XPO1: variants seen among roughly 807,000 people sequenced by gnomAD.
XPO1 encodes the protein exportin-1.
A neutral mutation model predicts 133.3 loss-of-function variants in XPO1; 5 were observed. That is an observed-to-expected ratio of 0.04 (90% confidence interval 0.02 to 0.08). XPO1 has a LOEUF of 0.08. XPO1 is among the 10% of genes least tolerant of loss of function. XPO1 has a pLI of 1.00. For missense variants in XPO1, 506 were observed against 1,267.5 expected (o/e 0.40, Z 9.12); for synonymous variants, 419 against 408.2 (o/e 1.03, Z -0.32).
chr2:61,479,408 C>T (rs540735456), intron 24 of XPO1, among the ~76,000 whole-genome samples: 11 of 151,856 alleles, frequency 7.2e-5, no homozygotes, highest in African/African-American at 1.2e-4. Context: ...GCCAAGATCA[C>T]GCCACTGCTC....
Position 61,526,095 on chromosome 2 carries a change from A to G in XPO1, c.228+325T>C. 3 of 1,132,990 alleles carry G rather than the reference A, an allele frequency of 2.6e-6. No homozygotes were observed. In the South Asian group the frequency reaches 9.0e-5, roughly 34 times the overall value. The allele number at this position is 1,132,990 out of a possible 1,614,324, so 70.2% of individuals were successfully genotyped here. A position where few individuals can be genotyped will look rare whatever the true frequency, so the allele number is the denominator to read the frequency against. On this transcript the variant is annotated intron_variant, in intron 3 of 24. Transcript: ENST00000401558. ...GTATTATATTGATTACTTGCCCAAA[A>G]TAATTCCTTAATGTTATGTTTAATC...
At chr2:61,482,248 T>C (rs1348153950) in intron 23 of XPO1, 132 bp downstream of exon 23, 1 of 487,536 alleles carries the variant, frequency 2.1e-6, no homozygotes, top group East Asian at 4.7e-5. Context: ...CTTGTTTTGT[T>C]GTCTAGGTTG....
intron 2 of XPO1, among the ~76,000 whole-genome samples, chr2:61,532,651 T>TA (rs1699207864): frequency 6.9e-6 from 1 of 145,918 alleles, no homozygotes; most frequent in African/African-American, 2.5e-5. Flanking sequence ...TCCTGGCCAA[T>TA]ATGATGAAAC....
rs943365945 is a variant in XPO1, at chr2:61,493,664, A to G, written c.1245+230T>C. 6.7e-6 allele frequency: 3 copies of G among 447,574 alleles called. No individual in the cohort carries two copies. The Admixed American group carries it at 1.2e-4, about 18-fold the overall frequency. The allele number at this position is 447,574 out of a possible 1,614,324, so 27.7% of individuals were successfully genotyped here. Reference sequence around the variant, plus strand: ...TAGTAGATTGGCAGGTGGCCAATGAATTTGCCTAACGAAATCACAACCAAT... The same window carrying G: ...TAGTAGATTGGCAGGTGGCCAATGAGTTTGCCTAACGAAATCACAACCAAT... On this transcript the variant is annotated intron_variant, in intron 12 of 24. Coordinates refer to ENST00000401558, the MANE Select transcript of XPO1 (RefSeq NM_003400.4).
At chr2:61,481,994 C>G (rs1300532316) in intron 23 of XPO1, among the ~76,000 whole-genome samples, 1 of 143,844 alleles carries the variant, frequency 7.0e-6, no homozygotes, top group Non-Finnish European at 1.5e-5. Flanking sequence ...CTCAGCCTCC[C>G]AAAGTGTTGG....
chr2:61,500,616 T>C (rs1348468117), intron 6 of XPO1, among the ~76,000 whole-genome samples: 18 of 124,750 alleles, frequency 1.4e-4, no homozygotes, highest in African/African-American at 5.7e-4. Flanking sequence ...CTGGCCAACA[T>C]GGTGAAACCC....
chr2:61,482,602 TTTTTG>T (rs893701701), intron 22 of XPO1, 63 bp from the exon 23 acceptor site: 80 of 1,333,848 alleles, frequency 6.0e-5, no homozygotes, highest in South Asian at 4.2e-4. Flanking sequence ...TTAGCGTTTT[TTTTTG>T]TTTTGTTTTT....
At chr2:61,523,029 T>C (rs1455607503) in intron 3 of XPO1, among the ~76,000 whole-genome samples, 3 of 152,250 alleles carry the variant, frequency 2.0e-5, no homozygotes, top group African/African-American at 4.8e-5. Flanking sequence ...TGACTGCTCA[T>C]AGGCTCACGT....
chr2:61,506,311 T>A (rs1023673983), intron 4 of XPO1, among the ~76,000 whole-genome samples: 2 of 152,138 alleles, frequency 1.3e-5, no homozygotes, highest in Non-Finnish European at 2.9e-5. Flanking sequence ...TAATCCCAGC[T>A]ACTCAGGAGG....
intron 17 of XPO1, 43 bp downstream of exon 17, chr2:61,490,598 GT>G (rs779399167): frequency 6.2e-7 from 1 of 1,612,498 alleles, no homozygotes; most frequent in African/African-American, 1.3e-5. Flanking sequence ...AACACGTCTT[GT>G]TAAATCCCAT....
chr2:61,509,339 C>G (rs1304232854), intron 4 of XPO1, among the ~76,000 whole-genome samples: 2 of 152,050 alleles, frequency 1.3e-5, no homozygotes, highest in African/African-American at 4.8e-5. Context: ...CAACATGGCA[C>G]TAAAAGGAAA....
intron 11 of XPO1, 80 bp from the exon 12 acceptor site, chr2:61,494,171 G>T: frequency 1.5e-6 from 2 of 1,307,722 alleles, no homozygotes; most frequent in East Asian, 2.3e-5. Flanking sequence ...TACACCTTAA[G>T]GGAAAATAAA....
chr2:61,511,193 G>C lies in XPO1; in HGVS notation c.302-8883C>G, dbSNP rs532451045. ...GGCTGGAATGCAATGGCGCAATCTC[G>C]GCTCACTGCAACCTCCACCTCCCAG... is the stretch of plus-strand genomic sequence containing the variant. On this transcript the variant is annotated intron_variant, in intron 4 of 24. Coordinates refer to ENST00000401558, the MANE Select transcript of XPO1 (RefSeq NM_003400.4). 3.3e-5 allele frequency among the ~76,000 whole-genome samples: 5 copies of C among 150,678 alleles called. No individual in the cohort carries two copies. In the South Asian group the frequency reaches 1.1e-3, roughly 32 times the overall value.
intron 1 of XPO1, 76 bp from the exon 2 acceptor site, chr2:61,533,979 C>G: frequency 3.1e-6 from 4 of 1,282,524 alleles, no homozygotes; most frequent in Non-Finnish European, 4.0e-6. Flanking sequence ...AGTTATTTTA[C>G]TTCAACCATG....
chr2:61,507,243 CAAAA>C (rs55737388), intron 4 of XPO1, among the ~76,000 whole-genome samples: 11 of 65,500 alleles, frequency 1.7e-4, no homozygotes, highest in Admixed American at 2.0e-4. Context: ...GACTCCATCT[CAAAA>C]AAAAAAAAAA....
chr2:61,483,217 AATT>A, intron 21 of XPO1, 126 bp from the exon 22 acceptor site: 3 of 978,392 alleles, frequency 3.1e-6, no homozygotes, highest in Non-Finnish European at 4.5e-6. Context: ...GATGACTAAT[AATT>A]ACTTGCATAA....
chr2:61,525,259 A>G, intron 3 of XPO1: 1 of 985,566 alleles, frequency 1.0e-6, no homozygotes, highest in Non-Finnish European at 1.2e-6. Context: ...AAGGGAATCA[A>G]AAGGGTAGAC....
intron 12 of XPO1, 57 bp from the exon 13 acceptor site, chr2:61,493,110 G>A: frequency 6.7e-7 from 1 of 1,481,490 alleles, no homozygotes; most frequent in Non-Finnish European, 8.9e-7. Flanking sequence ...GAAATCATTA[G>A]TGTAGAAGCT....
intron 1 of XPO1, 149 bp downstream of exon 1, chr2:61,537,413 C>G (rs956643956): frequency 1.3e-5 from 2 of 149,616 alleles, no homozygotes; most frequent in Admixed American, 1.3e-4. Context: ...TCGCAGGCTC[C>G]GCTGTGGGCC....
Sources: gnomAD v4.1 joint callset for allele counts (sites outside exome capture counted in the v4.1 genomes callset) on GRCh38, gnomAD v4.1.1 for gene constraint, MANE v1.5 for transcripts, NCBI Gene and HGNC (gene_info 2026-07-23, HGNC 2026-07-21) for gene names.